STK33: variants seen among roughly 807,000 people sequenced by gnomAD.
The protein encoded by STK33 is serine/threonine kinase 33.
A neutral mutation model predicts 58.0 loss-of-function variants in STK33; 52 were observed. The ratio of observed to expected loss-of-function variants is 0.90; its 90% CI spans 0.72 to 1.13. The LOEUF (loss-of-function observed/expected upper bound fraction) is 1.13, where lower values mean the gene tolerates loss of function less well. STK33 is among the 50% of genes most tolerant of loss of function. The pLI is 0.00. For synonymous variants in STK33, 215 were observed against 200.1 expected, an observed-to-expected ratio of 1.07 and a Z score of -0.63; for missense variants, 630 against 604.2, an observed-to-expected ratio of 1.04 and a Z score of -0.45.
chr11:8,348,387 A>G, the STK33 span, among the ~76,000 whole-genome samples: 1 of 152,186 alleles, frequency 6.6e-6, no homozygotes. Flanking sequence ...ACAAGGTGGC[A>G]GGAGAGAGAA....
At chr11:8,567,970 C>T (rs951491687) in intron 1 of STK33, among the ~76,000 whole-genome samples, 1 of 152,114 alleles carries the variant, frequency 6.6e-6, no homozygotes, top group African/African-American at 2.4e-5. Context: ...AAAATGCCTC[C>T]CTACAAAGTT....
chr11:8,533,184 C>T (rs1476677419), intron 1 of STK33, among the ~76,000 whole-genome samples: 1 of 152,194 alleles, frequency 6.6e-6, no homozygotes, highest in Admixed American at 6.5e-5. Flanking sequence ...CATTAACACC[C>T]TTTTCCCATG....
At chr11:8,366,620 G>A in the STK33 span, among the ~76,000 whole-genome samples, 3 of 152,320 alleles carry the variant, frequency 2.0e-5, no homozygotes, top group African/African-American at 7.2e-5. Context: ...AATCCAGCAA[G>A]GTGGGGCCTG....
chr11:8,371,634 TTCTTTC>T, the STK33 span, among the ~76,000 whole-genome samples: 4 of 103,408 alleles, frequency 3.9e-5, no homozygotes, highest in East Asian at 5.1e-4. Context: ...CCTTCCTTCC[TTCTTTC>T]TTCCTTTCTT....
At chr11:8,530,931 T>C (rs529421449) in intron 1 of STK33, among the ~76,000 whole-genome samples, 19 of 126,728 alleles carry the variant, frequency 1.5e-4, no homozygotes, top group African/African-American at 4.9e-4. Flanking sequence ...CCTCAGATGA[T>C]CCGCCCACCT....
intron 1 of STK33, among the ~76,000 whole-genome samples, chr11:8,503,930 ACT>A (rs765331130): frequency 1.8e-4 from 27 of 152,154 alleles, no homozygotes; most frequent in Non-Finnish European, 3.1e-4. Flanking sequence ...AATAGGTAGG[ACT>A]CTTTTTCCTT....
intron 8 of STK33, among the ~76,000 whole-genome samples, chr11:8,459,560 T>C (rs1478506483): frequency 3.9e-5 from 6 of 152,076 alleles, no homozygotes; most frequent in Admixed American, 3.3e-4. Context: ...ACATTAAACA[T>C]CAGCCAGCAT....
At chr11:8,564,770 G>A (rs959470821) in intron 1 of STK33, among the ~76,000 whole-genome samples, 3 of 152,110 alleles carry the variant, frequency 2.0e-5, no homozygotes, top group African/African-American at 4.8e-5. Flanking sequence ...CAGGTCTAGC[G>A]CCACCATCAA....
At chr11:8,593,954 G>C (rs2033027217) in intron 1 of STK33, 129 bp downstream of exon 1, 1 of 152,214 alleles carries the variant, frequency 6.6e-6, no homozygotes, top group African/African-American at 2.4e-5. Flanking sequence ...CCAGCCGGCC[G>C]GCAGCGAGAT....
At chr11:8,374,758 C>T in the STK33 span, among the ~76,000 whole-genome samples, 536 of 152,288 alleles carry the variant, frequency 3.5e-3, 4 homozygotes, top group Middle Eastern at 0.034. Context: ...GTGATGTTCA[C>T]GCAGAGAGGT....
the STK33 span, among the ~76,000 whole-genome samples, chr11:8,375,471 G>A: frequency 6.6e-6 from 1 of 152,134 alleles, no homozygotes; most frequent in African/African-American, 2.4e-5. Context: ...GGCCATATAT[G>A]GTCAAGGTAA....
chr11:8,484,913 C>T (rs1483001763), intron 1 of STK33, among the ~76,000 whole-genome samples: 11 of 152,136 alleles, frequency 7.2e-5, no homozygotes, highest in African/African-American at 2.7e-4. Context: ...TACAATTTCA[C>T]TGACAGGTTC....
At chr11:8,447,850 C>T (rs1489526005) in intron 11 of STK33, among the ~76,000 whole-genome samples, 4 of 152,058 alleles carry the variant, frequency 2.6e-5, no homozygotes, top group African/African-American at 7.2e-5. Context: ...TCAAATTGTC[C>T]CTGTTTGCAG....
intron 1 of STK33, among the ~76,000 whole-genome samples, chr11:8,500,177 T>C (rs1027664789): frequency 6.6e-6 from 1 of 152,094 alleles, no homozygotes; most frequent in Non-Finnish European, 1.5e-5. Flanking sequence ...CTATTTAAGA[T>C]TGTACTGGAG....
At chr11:8,515,223 G>C (rs977683844) in intron 1 of STK33, among the ~76,000 whole-genome samples, 2 of 152,090 alleles carry the variant, frequency 1.3e-5, no homozygotes, top group African/African-American at 4.8e-5. Context: ...AGAAATGAAA[G>C]AAGAGATATT....
At chr11:8,399,259 C>A (rs1699893491) in intron 15 of STK33, among the ~76,000 whole-genome samples, 1 of 152,170 alleles carries the variant, frequency 6.6e-6, no homozygotes, top group African/African-American at 2.4e-5. Context: ...GAAATTATAA[C>A]AAACTGTCTC....
chr11:8,377,520 GA>G, the STK33 span, among the ~76,000 whole-genome samples: 1 of 152,150 alleles, frequency 6.6e-6, no homozygotes, highest in Non-Finnish European at 1.5e-5. Flanking sequence ...CCATCATACT[GA>G]ATGGGGAAAA....
chr11:8,464,758 T>C lies in STK33; in HGVS notation c.404A>G (p.Asp135Gly). The C allele has an allele frequency of 6.2e-7, 1 of 1,613,916 alleles. No homozygotes were observed. The highest frequency in any genetic ancestry group is 8.5e-7 in the Non-Finnish European group (1 of 1,179,900). The change falls in exon 7 of 16, where the codon GAC (aspartate) becomes GGC (glycine). Residue 135 changes from aspartate to glycine, a missense_variant. Asp to Gly is a moderately conservative substitution (Grantham distance 94). Coordinates refer to ENST00000687296, the MANE Select transcript of STK33 (RefSeq NM_001352389.2). ...GSFGIVIEAT[D>G]KETETKWAIK... ...TGCCCACTTCGTTTCTGTTTCCTTG[T>C]CTGTCGCTTCAATGACTATTCCAAA...
chr11:8,341,985 C>G, the STK33 span, among the ~76,000 whole-genome samples: 15 of 152,262 alleles, frequency 9.9e-5, no homozygotes, highest in Admixed American at 2.6e-4. Context: ...GGATGCCAAG[C>G]AAGGAGAATG....
Sources: allele counts gnomAD v4.1 joint callset (sites outside exome capture counted in the v4.1 genomes callset), GRCh38; gene constraint gnomAD v4.1.1; transcripts MANE v1.5; gene names NCBI Gene and HGNC (gene_info 2026-07-23, HGNC 2026-07-21).